The following ADK variants were observed in gnomAD, a reference collection of about 807,000 sequenced individuals.
ADK encodes the protein N6,N6-dimethyladenosine kinase.
A neutral mutation model predicts 44.7 loss-of-function variants in ADK; 24 were observed. That is an observed-to-expected ratio of 0.54 (90% CI 0.39 to 0.76). ADK has a LOEUF of 0.76. Ranked by LOEUF, ADK falls within the 30% of genes least tolerant of loss-of-function variation. The pLI is 0.00. For synonymous variants in ADK, 128 were observed against 142.6 expected (o/e 0.90, Z 0.73); for missense variants, 321 against 425.1 (o/e 0.76, Z 2.15).
intron 7 of ADK, among the ~76,000 whole-genome samples, chr10:74,562,448 A>G (rs964190045): frequency 1.3e-5 from 2 of 152,182 alleles, no homozygotes; most frequent in Non-Finnish European, 2.9e-5. Context: ...TCAAGAGTAT[A>G]TTGGGATGGG....
At chr10:74,254,786 T>C (rs111885716) in intron 3 of ADK, among the ~76,000 whole-genome samples, 4,837 of 152,260 alleles carry the variant, frequency 0.032, 271 homozygotes, top group African/African-American at 0.11. Flanking sequence ...TAAATCTGTT[T>C]TAGTTGCACA....
chr10:74,183,514 A>G (rs1435843082), intron 1 of ADK, among the ~76,000 whole-genome samples: 2 of 146,268 alleles, frequency 1.4e-5, no homozygotes, highest in African/African-American at 2.5e-5. Context: ...GAAATATACT[A>G]TTTTTTTTTT....
chr10:74,648,157 G>A (rs1281323522), intron 9 of ADK, among the ~76,000 whole-genome samples: 2 of 151,964 alleles, frequency 1.3e-5, no homozygotes, highest in Admixed American at 1.3e-4. Context: ...CTGTCCTTAA[G>A]AAGTGAAGGA....
At chr10:74,520,536 G>A (rs1848773253) in intron 6 of ADK, among the ~76,000 whole-genome samples, 1 of 151,018 alleles carries the variant, frequency 6.6e-6, no homozygotes, top group South Asian at 2.1e-4. Context: ...TGTGTTCTTA[G>A]GCAAGGACAA....
chr10:74,679,097 G>A (rs977276845), intron 10 of ADK, among the ~76,000 whole-genome samples: 1 of 152,154 alleles, frequency 6.6e-6, no homozygotes, highest in Non-Finnish European at 1.5e-5. Flanking sequence ...AGGTCATATT[G>A]AAAGCTAAGA....
intron 2 of ADK, among the ~76,000 whole-genome samples, chr10:74,216,653 A>T (rs1844039609): frequency 6.6e-6 from 1 of 150,856 alleles, no homozygotes; most frequent in African/African-American, 2.4e-5. Context: ...TGAACCCAGC[A>T]GGCAGAGGTT....
chr10:74,541,794 A>C (rs868507554), intron 7 of ADK, among the ~76,000 whole-genome samples: 8,108 of 63,604 alleles, frequency 0.13, 85 homozygotes, highest in Admixed American at 0.13. Flanking sequence ...ACCCCCACAC[A>C]CCCCCCCCCC....
At chr10:74,252,588 C>T (rs889980080) in intron 3 of ADK, among the ~76,000 whole-genome samples, 1 of 152,072 alleles carries the variant, frequency 6.6e-6, no homozygotes, top group African/African-American at 2.4e-5. Context: ...GAAAACAGAT[C>T]TTATATATGT....
At chr10:74,439,819 A>G (rs764884011) in intron 6 of ADK, among the ~76,000 whole-genome samples, 2 of 152,064 alleles carry the variant, frequency 1.3e-5, no homozygotes, top group African/African-American at 2.4e-5. Flanking sequence ...ATTTGAAATA[A>G]TCACAGATTT....
At chr10:74,201,489 C>T (rs1207261078) in intron 2 of ADK, among the ~76,000 whole-genome samples, 1 of 152,208 alleles carries the variant, frequency 6.6e-6, no homozygotes, top group Non-Finnish European at 1.5e-5. Flanking sequence ...GTCCACATAA[C>T]TTTTATTACA....
intron 10 of ADK, among the ~76,000 whole-genome samples, chr10:74,679,716 C>CT (rs1211316994): frequency 2.6e-5 from 4 of 152,076 alleles, no homozygotes; most frequent in African/African-American, 9.7e-5. Context: ...AATCCCAGCA[C>CT]TTTGGGAGGC....
intron 1 of ADK, among the ~76,000 whole-genome samples, chr10:74,157,367 T>C (rs577165892): frequency 6.6e-6 from 1 of 151,846 alleles, no homozygotes; most frequent in South Asian, 2.1e-4. Context: ...TGTAAGTATT[T>C]TAAAGATCCT....
At chr10:74,578,230 A>T (rs1353781489) in intron 7 of ADK, among the ~76,000 whole-genome samples, 1 of 152,170 alleles carries the variant, frequency 6.6e-6, no homozygotes, top group African/African-American at 2.4e-5. Flanking sequence ...AATTTTAAGC[A>T]CTGATCAGTG....
intron 6 of ADK, among the ~76,000 whole-genome samples, chr10:74,466,093 C>G (rs1178758265): frequency 1.3e-5 from 2 of 151,632 alleles, no homozygotes; most frequent in Non-Finnish European, 2.9e-5. Flanking sequence ...ATATTCGTAT[C>G]CCTCTTCCCC....
chr10:74,309,466 C>T (rs1227579753), intron 3 of ADK, among the ~76,000 whole-genome samples: 1 of 152,084 alleles, frequency 6.6e-6, no homozygotes, highest in African/African-American at 2.4e-5. Flanking sequence ...TCTTATCTTC[C>T]TCAAAACAAC....
At chr10:74,373,793 G>T (rs540078175) in intron 4 of ADK, among the ~76,000 whole-genome samples, 65 of 152,208 alleles carry the variant, frequency 4.3e-4, no homozygotes, top group African/African-American at 1.5e-3. Context: ...CAGCAATTCT[G>T]CTCCTAGGTA....
chr10:74,189,905 ATGT>A (rs1002836409), intron 1 of ADK, among the ~76,000 whole-genome samples: 2 of 152,242 alleles, frequency 1.3e-5, no homozygotes, highest in African/African-American at 4.8e-5. Context: ...AAGTTCATAC[ATGT>A]TGTAGCGTGT....
At chr10:74,393,858 C>G (rs374046729) in intron 4 of ADK, among the ~76,000 whole-genome samples, 3 of 152,214 alleles carry the variant, frequency 2.0e-5, no homozygotes, top group East Asian at 3.9e-4. Flanking sequence ...CTATTATTTT[C>G]CTATATCAGG....
rs201968419 is a variant in ADK, at chr10:74,708,447, G to A, written c.*2G>A. On this transcript the variant is annotated 3_prime_UTR_variant, in exon 11 of 11. Transcript: ENST00000539909. ...CCTGAGAAGCCAGACTTCCACTGAT[G>A]GAAGAGCTGAAAACACAAGCCCAGG... 1.2e-4 allele frequency: 188 copies of A among 1,610,242 alleles called. 1 individual carries two copies. In the East Asian group the frequency reaches 4.2e-3, roughly 36 times the overall value.
Sources: allele counts gnomAD v4.1 joint callset (sites outside exome capture counted in the v4.1 genomes callset), GRCh38; gene constraint gnomAD v4.1.1; transcripts MANE v1.5; gene names NCBI Gene and HGNC (gene_info 2026-07-23, HGNC 2026-07-21).